ENAM: variants seen among roughly 807,000 people sequenced by gnomAD.
The protein encoded by ENAM is amelogenesis imperfecta 2, hypocalcification (autosomal dominant).
A neutral mutation model predicts 33.6 loss-of-function variants in ENAM; 21 were observed. The observed-to-expected ratio is 0.63, with a 90% confidence interval of 0.44 to 0.90. The LOEUF (loss-of-function observed/expected upper bound fraction) is 0.90. ENAM is among the 40% of genes least tolerant of loss of function. The pLI is 0.00. For missense variants in ENAM, 1,388 were observed against 1,366.9 expected, an observed-to-expected ratio of 1.02 and a Z score of -0.24; for synonymous variants, 473 against 468.4, an observed-to-expected ratio of 1.01 and a Z score of -0.13.
chr4:70,635,899 GA>G lies in ENAM; in HGVS notation c.534+8del. The G allele has an allele frequency of 1.3e-6, 2 of 1,582,054 alleles. No homozygotes were observed. Among genetic ancestry groups the G allele is most frequent in the Non-Finnish European group, 1.7e-6 (2 of 1,153,290 alleles). On this transcript the variant is annotated splice_donor_region_variant and intron_variant, in intron 7 of 8. Coordinates refer to ENST00000396073, the MANE Select transcript of ENAM (RefSeq NM_031889.3). ...CCACCATGGCAAATTCCACAGGTGAGAAATTTTTTTTTCTTTACACTGTAAG... is the reference window on the plus strand; with the variant it reads ...CCACCATGGCAAATTCCACAGGTGAGAATTTTTTTTTCTTTACACTGTAAG...
rs1453827194 is a variant in ENAM, at chr4:70,642,735, AAGG to A, written c.1312_1314del (p.Glu438del). 6.2e-7 allele frequency: 1 copy of A among 1,606,110 alleles called. No homozygotes were observed. The highest frequency in any genetic ancestry group is 1.1e-5 in the South Asian group (1 of 89,372). ...TCGCAATGAAAAAATCCAAAATCCA[AAGG>A]AGAAGCCCCTGGGTCCAAAAGAACA... On this transcript the variant is annotated inframe_deletion, in exon 9 of 9. Transcript: ENST00000396073.
intron 2 of ENAM, 22 bp downstream of exon 2, chr4:70,629,576 T>G: frequency 6.4e-7 from 1 of 1,566,896 alleles, no homozygotes; most frequent in Non-Finnish European, 8.8e-7. Flanking sequence ...CATTTATTTT[T>G]GCCAATACAT....
chr4:70,641,798 G>A (rs751613323), intron 8 of ENAM, among the ~76,000 whole-genome samples: 5 of 152,070 alleles, frequency 3.3e-5, no homozygotes, highest in Non-Finnish European at 5.9e-5. Flanking sequence ...AAAAGAGAAA[G>A]CTGAGCAGTG....
intron 5 of ENAM, among the ~76,000 whole-genome samples, chr4:70,633,219 T>G (rs573545821): frequency 6.6e-6 from 1 of 152,252 alleles, no homozygotes; most frequent in Non-Finnish European, 1.5e-5. Flanking sequence ...GTTAGCATAA[T>G]AACACTACAC....
intron 8 of ENAM, among the ~76,000 whole-genome samples, chr4:70,640,788 C>T (rs1268314324): frequency 6.6e-6 from 1 of 152,044 alleles, no homozygotes; most frequent in Non-Finnish European, 1.5e-5. Context: ...CTGTCTAGAG[C>T]CCCACTGTTT....
chr4:70,630,544 A>G (rs1738285053), intron 2 of ENAM, among the ~76,000 whole-genome samples: 1 of 152,216 alleles, frequency 6.6e-6, no homozygotes, highest in African/African-American at 2.4e-5. Flanking sequence ...TTGTTCCAAG[A>G]TGTAAATACG....
chr4:70,635,360 G>C (rs887735283), intron 6 of ENAM, among the ~76,000 whole-genome samples: 1 of 152,160 alleles, frequency 6.6e-6, no homozygotes, highest in African/African-American at 2.4e-5. Context: ...CTGGGCAACA[G>C]AGCAAGACTC....
rs766814379 is a variant in ENAM at position 70,634,311 on chromosome 4, G to A, written c.214G>A (p.Ala72Thr). 7 of 1,613,780 alleles carry A rather than the reference G, an allele frequency of 4.3e-6. No individual in the cohort carries two copies. Among genetic ancestry groups the A allele is most frequent in the Non-Finnish European group, 5.9e-6 (7 of 1,179,870 alleles). The change falls in exon 6 of 9, where the codon GCA (alanine) becomes ACA (threonine). Residue 72 changes from alanine to threonine, a missense_variant. By Grantham distance (58) the Ala-to-Thr change is moderately conservative (BLOSUM62 0). Transcript: ENST00000396073. The stretch of plus-strand genomic sequence containing the variant: ...CTATTATTTGCTACCCTTTCAGATG[G>A]CACACCTGGGGCCCTTCTTTGGAAA... ...QFNFMNGPHM[A>T]HLGPFFGNGL... is the part of the protein sequence containing the mutation.
chr4:70,629,426 A>G lies in ENAM; in HGVS notation c.-60-15A>G. ...GCTATTCATTTCATTTATTTGTTCC[A>G]TTTCTATATTTTAGTTTCTTCTCAG... is the stretch of plus-strand genomic sequence containing the variant. On this transcript the variant is annotated splice_polypyrimidine_tract_variant and intron_variant, in intron 1 of 8. Coordinates refer to ENST00000396073, the MANE Select transcript of ENAM (RefSeq NM_031889.3). The G allele has an allele frequency of 9.8e-7, 1 of 1,022,136 alleles. No homozygotes were observed. Among genetic ancestry groups the G allele is most frequent in the Non-Finnish European group, 1.6e-6 (1 of 640,256 alleles). 63.3% of individuals were successfully genotyped at this position (1,022,136 alleles called of 1,614,324 possible). A position where few individuals can be genotyped will look rare whatever the true frequency, so the allele number is the denominator to read the frequency against.
rs1738667396 is a variant in ENAM, at chr4:70,643,537, T to C, written c.2111T>C (p.Leu704Ser). ...NQPKEYLPYS[L>S]DNPSKPREDF... The stretch of plus-strand genomic sequence containing the variant: ...CCAAAGGAATATCTTCCCTATTCTT[T>C]AGATAATCCATCAAAACCAAGGGAG... The change falls in exon 9 of 9, where the codon TTA (leucine) becomes TCA (serine). Residue 704 changes from leucine to serine, a missense_variant. Physicochemically the swap from Leu to Ser is moderately radical, Grantham distance 145 (BLOSUM62 -2). Transcript: ENST00000396073. The C allele has an allele frequency of 6.2e-7, 1 of 1,614,032 alleles. No individual in the cohort carries two copies. The highest frequency in any genetic ancestry group is 8.5e-7 in the Non-Finnish European group (1 of 1,179,932).
chr4:70,639,858 C>A (rs1738554639), intron 8 of ENAM, among the ~76,000 whole-genome samples: 1 of 152,170 alleles, frequency 6.6e-6, no homozygotes, highest in Non-Finnish European at 1.5e-5. Context: ...CACTGCACTC[C>A]AGCCTGGGCA....
At position 70,632,532 on chromosome 4, in the gene ENAM, T is replaced by A. The variant is rs142669115; in HGVS notation, c.169-119T>A. ...GACTGTTGTGCATTAAAATCAGAAA[T>A]TTTTACACTGGGAAGTTCTAAGGTT... On this transcript the variant is annotated intron_variant, in intron 4 of 8. Coordinates refer to ENST00000396073, the MANE Select transcript of ENAM (RefSeq NM_031889.3). The A allele has an allele frequency of 9.9e-4, 799 of 804,850 alleles. 5 individuals carry two copies. The African/African-American group carries it at 0.011, about 12-fold the overall frequency. 49.9% of individuals were successfully genotyped at this position (804,850 alleles called of 1,614,324 possible). A position where few individuals can be genotyped will look rare whatever the true frequency, so the allele number is the denominator to read the frequency against.
chr4:70,642,008 C>T lies in ENAM; in HGVS notation c.589-7C>T, dbSNP rs1738609328. ...GCAATTATTGATTTCCATTTTCTTTCCTACAGAATCCTTACTTTGGATATT... is the reference window on the plus strand; with the variant it reads ...GCAATTATTGATTTCCATTTTCTTTTCTACAGAATCCTTACTTTGGATATT... On this transcript the variant is annotated splice_region_variant and splice_polypyrimidine_tract_variant and intron_variant, in intron 8 of 8. Coordinates refer to ENST00000396073, the MANE Select transcript of ENAM (RefSeq NM_031889.3). 6.2e-7 allele frequency: 1 copy of T among 1,607,744 alleles called. No individual in the cohort carries two copies. Among genetic ancestry groups the T allele is most frequent in the Non-Finnish European group, 8.5e-7 (1 of 1,174,220 alleles).
intron 2 of ENAM, among the ~76,000 whole-genome samples, chr4:70,631,380 T>TTC (rs930134965): frequency 2.6e-5 from 4 of 151,488 alleles, no homozygotes; most frequent in African/African-American, 9.7e-5. Context: ...ATCTCTCTCT[T>TTC]TCTCTCTCTC....
At chr4:70,631,304 C>T (rs1230636080) in intron 2 of ENAM, among the ~76,000 whole-genome samples, 1 of 152,094 alleles carries the variant, frequency 6.6e-6, no homozygotes, top group African/African-American at 2.4e-5. Flanking sequence ...GAAACTCAAA[C>T]CCATTAATAT....
At position 70,642,195 on chromosome 4, in the gene ENAM, A is replaced by C; in HGVS notation, c.769A>C (p.Asn257His). 1 of 1,614,146 alleles carries C rather than the reference A, an allele frequency of 6.2e-7. No homozygotes were observed. The highest frequency in any genetic ancestry group is 1.1e-5 in the South Asian group (1 of 91,074). The change falls in exon 9 of 9, where the codon AAT becomes CAT. Residue 257 changes from asparagine (N) to histidine (H), a missense_variant. Transcript: ENST00000396073. The stretch of plus-strand genomic sequence containing the variant: ...CACTGAGACGAATTCTACCCAACCA[A>C]ATCCTAAAGGGAGTCAGGGAGGAAA... ...TVTETNSTQP[N>H]PKGSQGGNDT...
At position 70,644,616 on chromosome 4, in the gene ENAM, AAGC is replaced by A. The variant is rs759570932; in HGVS notation, c.3192_3194del (p.Lys1064_His1065delinsAsn). ...GCCATGCTTTGGCTCCAAATTAGCA[AAGC>A]ATCACTCTTCCACCACCGGAACTCC... On this transcript the variant is annotated inframe_deletion, in exon 9 of 9. Coordinates refer to ENST00000396073, the MANE Select transcript of ENAM (RefSeq NM_031889.3). 1 of 1,613,542 alleles carries A rather than the reference AAGC, an allele frequency of 6.2e-7. No homozygotes were observed. Among genetic ancestry groups the A allele is most frequent in the East Asian group, 2.2e-5 (1 of 44,870 alleles).
chr4:70,630,924 TA>T (rs745929126), intron 2 of ENAM, among the ~76,000 whole-genome samples: 23 of 152,088 alleles, frequency 1.5e-4, no homozygotes, highest in Non-Finnish European at 3.1e-4. Flanking sequence ...GTATTTTTAG[TA>T]GAGACAAGGT....
rs544910871 is a variant in ENAM, at chr4:70,634,442, G to A, written c.345G>A (p.Lys115=). The A allele has an allele frequency of 1.2e-6, 2 of 1,613,940 alleles. No homozygotes were observed. The highest frequency in any genetic ancestry group is 1.7e-6 in the Non-Finnish European group (2 of 1,180,016). Residue 115 remains lysine (K), a synonymous_variant, in exon 6 of 9, where the codon AAG becomes AAA. Transcript: ENST00000396073. ...RKSSAPKRHN[K]TDQTQETQKP... ...CCTCAGCACCCAAACGTCATAACAAGACTGATCAGACCCAAGAAACCCAGA... is the reference window on the plus strand; with the variant it reads ...CCTCAGCACCCAAACGTCATAACAAAACTGATCAGACCCAAGAAACCCAGA...
Sources: gnomAD v4.1 joint callset for allele counts (sites outside exome capture counted in the v4.1 genomes callset) on GRCh38, gnomAD v4.1.1 for gene constraint, MANE v1.5 for transcripts, NCBI Gene and HGNC (gene_info 2026-07-23, HGNC 2026-07-21) for gene names.